RBFOX2: variants seen among roughly 807,000 people sequenced by gnomAD.
RBFOX2 encodes the protein RNA binding fox-1 homolog 2.
A neutral mutation model predicts 49.1 loss-of-function variants in RBFOX2; 10 were observed. That is an observed-to-expected ratio of 0.20 (90% CI 0.13 to 0.35). The LOEUF (loss-of-function observed/expected upper bound fraction) is 0.35, where lower values mean the gene tolerates loss of function less well. Among genes scored for constraint, RBFOX2 ranks in the 10% least tolerant of loss-of-function variants. RBFOX2 has a pLI of 1.00. For missense variants in RBFOX2, 323 were observed against 486.9 expected (o/e 0.66, Z 3.17); for synonymous variants, 183 against 187.4 (o/e 0.98, Z 0.19).
chr22:36,026,593 A>G (rs1250877742), intron 1 of RBFOX2, among the ~76,000 whole-genome samples: 1 of 151,514 alleles, frequency 6.6e-6, no homozygotes, highest in East Asian at 1.9e-4. Flanking sequence ...CCTGCTCACC[A>G]GCACCTACAT....
At chr22:35,985,833 AG>A (rs2057683455) in intron 1 of RBFOX2, among the ~76,000 whole-genome samples, 1 of 152,148 alleles carries the variant, frequency 6.6e-6, no homozygotes, top group African/African-American at 2.4e-5. Flanking sequence ...ACTGGAGCCC[AG>A]AAGTTCAAGG....
Position 35,918,264 on chromosome 22 carries a change from A to G in RBFOX2, c.-34+20583T>C, listed in dbSNP as rs149401328. On this transcript the variant is annotated intron_variant, in intron 1 of 13. Coordinates refer to the RBFOX2 transcript ENST00000359369. ...TGGTGTACAAATTAAAAAGACTTAC[A>G]TCCTGAGCCATACCACTCATTTTAT... Among the ~76,000 whole-genome samples the G allele has an allele frequency of 3.5e-3, 538 of 152,304 alleles. 4 individuals carry two copies. Among genetic ancestry groups the G allele is most frequent in the Non-Finnish European group, 3.0e-3 (205 of 68,018 alleles).
At position 35,869,569 on chromosome 22, in the gene RBFOX2, C is replaced by T. The variant is rs186318666; in HGVS notation, c.-33-59565G>A. Among the ~76,000 whole-genome samples the T allele has an allele frequency of 5.8e-3, 884 of 151,394 alleles. 11 individuals are homozygous for T. The highest frequency in any genetic ancestry group is 7.5e-3 in the Non-Finnish European group (507 of 67,886). On this transcript the variant is annotated intron_variant, in intron 1 of 13. Transcript: ENST00000359369. ...GAACTCCTGGCCTCAAGCCATCTTC[C>T]CACTTCAGCTTCTGAAAGTGCTGGG...
chr22:35,899,782 T>G (rs555494748), intron 1 of RBFOX2, among the ~76,000 whole-genome samples: 1 of 152,280 alleles, frequency 6.6e-6, no homozygotes, highest in East Asian at 1.9e-4. Flanking sequence ...CACACATACT[T>G]CATTCTATCA....
intron 4 of RBFOX2, among the ~76,000 whole-genome samples, chr22:35,773,504 T>C (rs1246585122): frequency 2.0e-5 from 3 of 152,084 alleles, no homozygotes; most frequent in African/African-American, 4.8e-5. Flanking sequence ...TTTGATTATA[T>C]GAATGTATCA....
chr22:36,025,217 T>C (rs2059387767), intron 1 of RBFOX2, among the ~76,000 whole-genome samples: 1 of 152,214 alleles, frequency 6.6e-6, no homozygotes, highest in Non-Finnish European at 1.5e-5. Flanking sequence ...TATTAATACA[T>C]TGGTCTCCTG....
chr22:35,845,342 A>T (rs6000013), upstream of RBFOX2, among the ~76,000 whole-genome samples: 18 of 151,736 alleles, frequency 1.2e-4, no homozygotes, highest in African/African-American at 4.4e-4. Context: ...TATTTCCCTA[A>T]CTTTATTTCT....
intron 1 of RBFOX2, among the ~76,000 whole-genome samples, chr22:35,909,469 G>A (rs1272063518): frequency 2.0e-5 from 3 of 152,110 alleles, no homozygotes; most frequent in Non-Finnish European, 4.4e-5. Context: ...CCCTGTTTTA[G>A]CATTTTACAA....
At chr22:35,990,723 A>C (rs566804382) in intron 1 of RBFOX2, among the ~76,000 whole-genome samples, 24 of 152,298 alleles carry the variant, frequency 1.6e-4, no homozygotes, top group Admixed American at 3.3e-4. Flanking sequence ...GCAATACTTA[A>C]GGTAAGAAGA....
At chr22:35,744,235 T>C (rs769787448) in exon 12 of RBFOX2, 3 of 1,611,592 alleles carry the variant, frequency 1.9e-6, no homozygotes, top group Middle Eastern at 3.3e-4. Context: ...TGTAGCCACC[T>C]CGGTATAAAC....
chr22:35,891,025 T>C (rs563887995), intron 1 of RBFOX2, among the ~76,000 whole-genome samples: 4 of 152,282 alleles, frequency 2.6e-5, no homozygotes, highest in East Asian at 1.9e-4. Context: ...ATTTCACTTA[T>C]GTATGTTAAT....
chr22:35,944,036 T>C (rs2053996972), intron 1 of RBFOX2, among the ~76,000 whole-genome samples: 2 of 152,258 alleles, frequency 1.3e-5, no homozygotes, highest in Admixed American at 6.5e-5. Context: ...TGTACCTACA[T>C]CTGTAAAATC....
At chr22:35,882,071 T>G (rs563210901) in intron 1 of RBFOX2, among the ~76,000 whole-genome samples, 19 of 152,264 alleles carry the variant, frequency 1.2e-4, no homozygotes, top group Non-Finnish European at 2.4e-4. Flanking sequence ...TGGTAAAACT[T>G]TCCTGGTTAG....
intron 1 of RBFOX2, among the ~76,000 whole-genome samples, chr22:36,013,420 A>G (rs2058902721): frequency 6.6e-6 from 1 of 152,220 alleles, no homozygotes; most frequent in Non-Finnish European, 1.5e-5. Flanking sequence ...AGCACATTAC[A>G]TACAGTATCG....
chr22:35,750,013 A>G (rs1018430562), intron 9 of RBFOX2, among the ~76,000 whole-genome samples: 6 of 152,188 alleles, frequency 3.9e-5, no homozygotes, highest in Non-Finnish European at 8.8e-5. Flanking sequence ...AGCCTCAATT[A>G]CTAGAGCGTG....
intron 1 of RBFOX2, among the ~76,000 whole-genome samples, chr22:35,815,300 C>T (rs1952811972): frequency 6.6e-6 from 1 of 152,136 alleles, no homozygotes; most frequent in South Asian, 2.1e-4. Flanking sequence ...TGTTTTGTTA[C>T]TGATTCTTTA....
At chr22:35,941,971 G>A (rs1331176144), upstream of RBFOX2, among the ~76,000 whole-genome samples, 1 of 152,108 alleles carries the variant, frequency 6.6e-6, no homozygotes. Flanking sequence ...GAATTTTACA[G>A]GCATGGATCC....
At chr22:35,892,680 G>C (rs575605909) in intron 1 of RBFOX2, among the ~76,000 whole-genome samples, 20 of 152,282 alleles carry the variant, frequency 1.3e-4, no homozygotes, top group African/African-American at 4.8e-4. Context: ...GATACAGTAT[G>C]TTTGACAGTT....
At chr22:36,014,025 GT>G (rs935362422) in intron 1 of RBFOX2, among the ~76,000 whole-genome samples, 18 of 147,166 alleles carry the variant, frequency 1.2e-4, no homozygotes, top group Admixed American at 2.7e-4. Context: ...AGTGTGATAG[GT>G]TTTTTTTTTA....
Sources: gnomAD v4.1 joint callset for allele counts (sites outside exome capture counted in the v4.1 genomes callset) on GRCh38, gnomAD v4.1.1 for gene constraint, MANE v1.5 for transcripts, NCBI Gene and HGNC (gene_info 2026-07-23, HGNC 2026-07-21) for gene names.